Variants in PMM2 observed in about 807,000 individuals in gnomAD.
The protein encoded by PMM2 is mannose-6-phosphate isomerase.
PMM2 carries 35 observed loss-of-function variants against 33.2 expected under a neutral mutation model. The ratio of observed to expected loss-of-function variants is 1.06; its 90% CI spans 0.81 to 1.40. The LOEUF is 1.40. Among genes scored for constraint, PMM2 ranks in the 40% most tolerant of loss-of-function variants. The pLI is 0.00. For missense variants in PMM2, 386 were observed against 306.0 expected, an observed-to-expected ratio of 1.26 and a Z score of -1.95; for synonymous variants, 153 against 114.7, an observed-to-expected ratio of 1.33 and a Z score of -2.13.
chr16:8,825,406 C>T (rs1327421190), intron 7 of PMM2, among the ~76,000 whole-genome samples: 4 of 150,540 alleles, frequency 2.7e-5, no homozygotes, highest in Admixed American at 6.6e-5. Flanking sequence ...GCTCACTGCA[C>T]CCTCCGCCTC....
chr16:8,834,386 C>G lies in PMM2; in HGVS notation c.640-13338C>G, dbSNP rs550180909. On this transcript the variant is annotated intron_variant, in intron 7 of 7. Transcript: ENST00000268261. ...ATCAGACTGTATAGAGGTGGGAAGG[C>G]TAAACTGAGGAATTATGTCTGACAG... 4.5e-4 allele frequency among the ~76,000 whole-genome samples: 68 copies of G among 151,890 alleles called. 1 individual carries two copies. The highest frequency in any genetic ancestry group is 1.6e-3 in the African/African-American group (67 of 41,370).
rs886616378 is a variant in PMM2, at chr16:8,811,225, A to G, written c.447+47A>G. On this transcript the variant is annotated intron_variant, in intron 5 of 7. Transcript: ENST00000268261. ...TTGGTGAATGGCTGGGTTTATGGAA[A>G]TAAGATATGGCCTGGTGTGGTGGTT... is the stretch of plus-strand genomic sequence containing the variant. 18 of 1,218,000 alleles carry G rather than the reference A, an allele frequency of 1.5e-5. No homozygotes were observed. The Admixed American group carries it at 1.6e-4, about 11-fold the overall frequency. The allele number at this position is 1,218,000 out of a possible 1,614,324, so 75.4% of individuals were successfully genotyped here.
intron 1 of PMM2, among the ~76,000 whole-genome samples, chr16:8,799,860 C>A (rs777862856): frequency 3.9e-5 from 6 of 152,074 alleles, no homozygotes; most frequent in Non-Finnish European, 7.4e-5. Flanking sequence ...AAAGGCCACT[C>A]CTCCAATTCT....
intron 7 of PMM2, among the ~76,000 whole-genome samples, chr16:8,815,517 C>T (rs1014521049): frequency 2.0e-5 from 3 of 152,254 alleles, no homozygotes; most frequent in African/African-American, 7.2e-5. Context: ...AGGCGTGAGC[C>T]AGCGTGCCCG....
In PMM2 at chr16:8,846,536, G is replaced by T. The variant is rs184776966; in HGVS notation, c.640-1188G>T. ...CTGATTCATTAACGTGAGCCCAGTG[G>T]GATTGGTGGGGGTGATGGGGACACA... On this transcript the variant is annotated intron_variant, in intron 7 of 7. Coordinates refer to ENST00000268261, the MANE Select transcript of PMM2 (RefSeq NM_000303.3). 3.5e-4 allele frequency among the ~76,000 whole-genome samples: 53 copies of T among 152,216 alleles called. No individual in the cohort carries two copies. The East Asian group carries it at 7.8e-3, about 22-fold the overall frequency.
chr16:8,814,886 T>C (rs1025770126), intron 7 of PMM2, among the ~76,000 whole-genome samples: 2 of 152,204 alleles, frequency 1.3e-5, no homozygotes, highest in Non-Finnish European at 2.9e-5. Flanking sequence ...TACAATACAG[T>C]ATTGTTAACT....
rs545958069 is a variant in PMM2, at chr16:8,820,351, C to CTTTTTTTTTTTT, written c.639+7251_639+7262dup. ...TCAGCCCAGTGAGGACACAGTTCTTCTTTTTTTTTTTTTTTTTCCTGAGAC... is the reference window on the plus strand; with the variant it reads ...TCAGCCCAGTGAGGACACAGTTCTTCTTTTTTTTTTTTTTTTTTTTTTTTTTTTTCCTGAGAC... On this transcript the variant is annotated intron_variant, in intron 7 of 7. Transcript: ENST00000268261. Among the ~76,000 whole-genome samples, 190 of 133,072 alleles carry CTTTTTTTTTTTT rather than the reference C, an allele frequency of 1.4e-3. 2 individuals are homozygous for CTTTTTTTTTTTT. The highest frequency in any genetic ancestry group is 4.3e-3 in the Admixed American group (57 of 13,394). The allele number at this position is 133,072 out of a possible 152,430, so 87.3% of individuals were successfully genotyped here. A position where few individuals can be genotyped will look rare whatever the true frequency, so the allele number is the denominator to read the frequency against.
chr16:8,823,665 G>A (rs987997763), intron 7 of PMM2, among the ~76,000 whole-genome samples: 1 of 140,724 alleles, frequency 7.1e-6, no homozygotes, highest in African/African-American at 2.5e-5. Context: ...TTAAAGCCTC[G>A]AGCCCAGCCA....
chr16:8,815,633 C>T (rs190679213), intron 7 of PMM2, among the ~76,000 whole-genome samples: 1 of 152,212 alleles, frequency 6.6e-6, no homozygotes, highest in East Asian at 1.9e-4. Context: ...CACGGGGGTA[C>T]AGATACCTCT....
intron 7 of PMM2, among the ~76,000 whole-genome samples, chr16:8,844,373 G>T (rs1291302092): frequency 1.3e-5 from 2 of 152,144 alleles, no homozygotes; most frequent in South Asian, 2.1e-4. Context: ...AAGCGGGAAA[G>T]GGGTTGGGGC....
intron 7 of PMM2, among the ~76,000 whole-genome samples, chr16:8,836,520 G>A (rs1040559257): frequency 6.6e-6 from 1 of 152,002 alleles, no homozygotes; most frequent in Non-Finnish European, 1.5e-5. Flanking sequence ...CCTGGCTGCT[G>A]CGGTTCAGGC....
At chr16:8,832,604 CT>C in intron 7 of PMM2, 6 of 985,430 alleles carry the variant, frequency 6.1e-6, no homozygotes, top group Non-Finnish European at 7.2e-6. Flanking sequence ...GTAATGGCCT[CT>C]GTCCTCTTTG....
At chr16:8,842,071 T>A (rs1334602320) in intron 7 of PMM2, 1 of 150,008 alleles carries the variant, frequency 6.7e-6, no homozygotes. Context: ...ACAGAAAGGC[T>A]ACAGGGTGTG....
At chr16:8,822,895 G>C (rs1416941410) in intron 7 of PMM2, among the ~76,000 whole-genome samples, 2 of 152,310 alleles carry the variant, frequency 1.3e-5, no homozygotes, top group East Asian at 3.9e-4. Context: ...GATAAAGAGT[G>C]AAAGTCCTGG....
chr16:8,827,117 G>T (rs890921550), intron 7 of PMM2, among the ~76,000 whole-genome samples: 1 of 152,106 alleles, frequency 6.6e-6, no homozygotes, highest in Admixed American at 6.5e-5. Context: ...TTTGAGAGGG[G>T]TCTGTCTGCT....
At chr16:8,840,239 T>C (rs2060881077) in intron 7 of PMM2, among the ~76,000 whole-genome samples, 2 of 151,354 alleles carry the variant, frequency 1.3e-5, no homozygotes, top group Admixed American at 6.6e-5. Context: ...TAAGAGTGAG[T>C]ATAAAAGTAA....
intron 7 of PMM2, among the ~76,000 whole-genome samples, chr16:8,825,065 C>G (rs765496660): frequency 6.6e-6 from 1 of 152,190 alleles, no homozygotes; most frequent in Non-Finnish European, 1.5e-5. Flanking sequence ...GAGTCTCGCT[C>G]TGTTGCCCAG....
intron 1 of PMM2, among the ~76,000 whole-genome samples, chr16:8,798,363 C>CT (rs1445796947): frequency 2.0e-5 from 3 of 152,130 alleles, no homozygotes; most frequent in Non-Finnish European, 2.9e-5. Flanking sequence ...TCAAACCGAC[C>CT]TAGTGGAGTC....
intron 7 of PMM2, among the ~76,000 whole-genome samples, chr16:8,827,944 A>AT (rs2060786831): frequency 8.8e-6 from 1 of 113,736 alleles, no homozygotes; most frequent in East Asian, 2.2e-4. Flanking sequence ...TATATTTATA[A>AT]ATATATATAT....
Sources: gnomAD v4.1 joint callset for allele counts (sites outside exome capture counted in the v4.1 genomes callset) on GRCh38, gnomAD v4.1.1 for gene constraint, MANE v1.5 for transcripts, NCBI Gene and HGNC (gene_info 2026-07-23, HGNC 2026-07-21) for gene names.